The following ATP6V0D2 variants were observed in gnomAD, a reference collection of about 807,000 sequenced individuals.
ATP6V0D2 encodes V-type proton ATPase subunit d 2.
A neutral mutation model predicts 40.0 loss-of-function variants in ATP6V0D2; 40 were observed. The observed-to-expected ratio is 1.00, with a 90% confidence interval of 0.78 to 1.30. The LOEUF is 1.30. Among genes scored for constraint, ATP6V0D2 ranks in the 50% most tolerant of loss-of-function variants. The pLI is 0.00. For missense variants in ATP6V0D2, 470 were observed against 423.1 expected (o/e 1.11, Z -0.97); for synonymous variants, 179 against 156.3 (o/e 1.15, Z -1.08).
At position 86,153,098 on chromosome 8, in the gene ATP6V0D2, T is replaced by C; in HGVS notation, c.*121T>C. ...AAAAGTAAGCCACACTATATCTTCA[T>C]GAGTTGCAAATCCATGGAAACACAG... On this transcript the variant is annotated 3_prime_UTR_variant, in exon 8 of 8. Coordinates refer to ENST00000285393, the MANE Select transcript of ATP6V0D2 (RefSeq NM_152565.1). The C allele has an allele frequency of 1.2e-6, 1 of 810,434 alleles. No homozygotes were observed. Among genetic ancestry groups the C allele is most frequent in the Admixed American group, 3.7e-5 (1 of 27,162 alleles). The allele number at this position is 810,434 out of a possible 1,614,324, so 50.2% of individuals were successfully genotyped here.
At chr8:86,123,058 T>C (rs1818694009) in intron 2 of ATP6V0D2, among the ~76,000 whole-genome samples, 1 of 152,172 alleles carries the variant, frequency 6.6e-6, no homozygotes. Context: ...GGGAGAAGTA[T>C]TTTCCCCCTG....
At chr8:86,143,622 G>T (rs532753450) in intron 5 of ATP6V0D2, among the ~76,000 whole-genome samples, 1 of 152,318 alleles carries the variant, frequency 6.6e-6, no homozygotes, top group South Asian at 2.1e-4. Flanking sequence ...TGCCATCTTG[G>T]TTTTGGTGGG....
At chr8:86,099,219 G>C in intron 1 of ATP6V0D2, 111 bp downstream of exon 1, 1 of 1,194,858 alleles carries the variant, frequency 8.4e-7, no homozygotes, top group Non-Finnish European at 1.1e-6. Context: ...TGAGAGTTCT[G>C]AGCAGATCCT....
chr8:86,140,460 C>A (rs907012606), intron 3 of ATP6V0D2, among the ~76,000 whole-genome samples: 2 of 152,150 alleles, frequency 1.3e-5, no homozygotes, highest in African/African-American at 4.8e-5. Flanking sequence ...AGCAAGGTGA[C>A]TAGGAGCAAT....
chr8:86,113,641 C>G, intron 1 of ATP6V0D2, 68 bp from the exon 2 acceptor site: 1 of 1,363,872 alleles, frequency 7.3e-7, no homozygotes, highest in African/African-American at 1.5e-5. Context: ...ATGAATTCAA[C>G]TAATGTTGAA....
At chr8:86,148,644 A>G (rs866455594) in intron 5 of ATP6V0D2, among the ~76,000 whole-genome samples, 1 of 152,136 alleles carries the variant, frequency 6.6e-6, no homozygotes, top group Non-Finnish European at 1.5e-5. Flanking sequence ...AAATCTACTG[A>G]GCCATAAAAT....
chr8:86,111,259 T>A (rs1180775603), intron 1 of ATP6V0D2, among the ~76,000 whole-genome samples: 1 of 149,934 alleles, frequency 6.7e-6, no homozygotes, highest in Non-Finnish European at 1.5e-5. Context: ...AGATCATAGC[T>A]CACTGAAGCC....
chr8:86,117,933 A>C (rs2130243989), intron 2 of ATP6V0D2, among the ~76,000 whole-genome samples: 1 of 152,108 alleles, frequency 6.6e-6, no homozygotes, highest in South Asian at 2.1e-4. Context: ...GATTATGGAA[A>C]GTCTTTGATG....
chr8:86,125,891 A>C (rs1818735107), intron 2 of ATP6V0D2, among the ~76,000 whole-genome samples: 1 of 150,310 alleles, frequency 6.7e-6, no homozygotes, highest in Non-Finnish European at 1.5e-5. Flanking sequence ...GATATATTTT[A>C]TTTAATATAT....
chr8:86,118,363 C>G (rs1464599506), intron 2 of ATP6V0D2, among the ~76,000 whole-genome samples: 2 of 151,774 alleles, frequency 1.3e-5, no homozygotes, highest in Non-Finnish European at 2.9e-5. Context: ...CGTGAGCCAC[C>G]GCGCCTGTCC....
intron 1 of ATP6V0D2, among the ~76,000 whole-genome samples, chr8:86,106,796 T>C (rs1168096099): frequency 1.3e-5 from 2 of 152,216 alleles, no homozygotes; most frequent in Admixed American, 6.5e-5. Context: ...CACTGCTACA[T>C]GGATCTTAAG....
At chr8:86,101,507 T>C (rs370559723) in intron 1 of ATP6V0D2, among the ~76,000 whole-genome samples, 1 of 139,912 alleles carries the variant, frequency 7.1e-6, no homozygotes, top group Non-Finnish European at 1.6e-5. Context: ...AGTAAAAAGA[T>C]AAAAATCAGG....
At chr8:86,151,640 A>T (rs1819154799) in intron 7 of ATP6V0D2, 100 bp downstream of exon 7, 1 of 852,950 alleles carries the variant, frequency 1.2e-6, no homozygotes, top group Admixed American at 2.6e-5. Context: ...GATCATGCCA[A>T]TTGATTAGGC....
rs114073195 is a variant in ATP6V0D2 at position 86,106,783 on chromosome 8, G to T, written c.131-6926G>T. 5.3e-3 allele frequency among the ~76,000 whole-genome samples: 801 copies of T among 152,160 alleles called. 7 individuals carry two copies. Among genetic ancestry groups the T allele is most frequent in the African/African-American group, 0.018 (756 of 41,498 alleles). ...TGGACTGTATAATGAAGTTCTGTGG[G>T]GCCACTGCTACATGGATCTTAAGTT... On this transcript the variant is annotated intron_variant, in intron 1 of 7. Transcript: ENST00000285393.
chr8:86,152,728 C>A (rs1410582130), intron 7 of ATP6V0D2, 88 bp from the exon 8 acceptor site: 20 of 1,358,804 alleles, frequency 1.5e-5, no homozygotes, highest in Admixed American at 2.5e-5. Flanking sequence ...ATAAGCACTG[C>A]ACAAGTTCAA....
At chr8:86,133,308 C>G (rs1818851421) in intron 2 of ATP6V0D2, among the ~76,000 whole-genome samples, 1 of 139,964 alleles carries the variant, frequency 7.1e-6, no homozygotes, top group Non-Finnish European at 1.5e-5. Flanking sequence ...GCTTCACAAA[C>G]AGAAAGTCTT....
intron 4 of ATP6V0D2, among the ~76,000 whole-genome samples, chr8:86,141,998 C>T (rs1031483810): frequency 2.0e-5 from 3 of 152,186 alleles, no homozygotes; most frequent in Non-Finnish European, 2.9e-5. Flanking sequence ...TTTGTGTACA[C>T]TGCATCATAG....
chr8:86,138,209 C>T (rs1454906278), intron 2 of ATP6V0D2, among the ~76,000 whole-genome samples: 1 of 152,144 alleles, frequency 6.6e-6, no homozygotes, highest in East Asian at 1.9e-4. Flanking sequence ...ATGTGCTTTT[C>T]CCCAGTTCCC....
intron 4 of ATP6V0D2, among the ~76,000 whole-genome samples, chr8:86,142,453 C>G (rs1818987906): frequency 6.6e-6 from 1 of 152,174 alleles, no homozygotes; most frequent in Non-Finnish European, 1.5e-5. Context: ...CAGTCTGACC[C>G]TACAGCCTTT....
Sources: gnomAD v4.1 joint callset for allele counts (sites outside exome capture counted in the v4.1 genomes callset) on GRCh38, gnomAD v4.1.1 for gene constraint, MANE v1.5 for transcripts, NCBI Gene and HGNC (gene_info 2026-07-23, HGNC 2026-07-21) for gene names.